The following DOCK7 variants were observed in gnomAD, a reference collection of about 807,000 sequenced individuals.
DOCK7 encodes dedicator of cytokinesis protein 7.
A neutral mutation model predicts 271.0 loss-of-function variants in DOCK7; 138 were observed. That is an observed-to-expected ratio of 0.51 (90% CI 0.44 to 0.59). DOCK7 has a LOEUF of 0.59. Among genes scored for constraint, DOCK7 ranks in the 20% least tolerant of loss-of-function variants. DOCK7 has a pLI of 0.00. For synonymous variants in DOCK7, 823 were observed against 876.1 expected, an observed-to-expected ratio of 0.94 and a Z score of 1.07; for missense variants, 2,066 against 2,592.4, an observed-to-expected ratio of 0.80 and a Z score of 4.41.
intron 22 of DOCK7, among the ~76,000 whole-genome samples, chr1:62,551,657 T>C (rs1224493418): frequency 1.3e-5 from 2 of 151,940 alleles, no homozygotes; most frequent in Admixed American, 1.3e-4. Context: ...CTAAACTCAA[T>C]AGGAAGGTAG....
At chr1:62,605,047 G>A (rs1019331671) in intron 14 of DOCK7, 21 of 451,762 alleles carry the variant, frequency 4.6e-5, no homozygotes, top group Non-Finnish European at 7.5e-5. Context: ...ATTTTGTGAT[G>A]TGGGAATCAA....
intron 18 of DOCK7, among the ~76,000 whole-genome samples, chr1:62,567,225 C>T (rs1420974155): frequency 6.6e-6 from 1 of 152,144 alleles, no homozygotes; most frequent in African/African-American, 2.4e-5. Flanking sequence ...ATAAATTATT[C>T]TACTATAAAG....
intron 48 of DOCK7, among the ~76,000 whole-genome samples, chr1:62,459,945 C>T (rs1341255272): frequency 1.3e-5 from 2 of 151,532 alleles, no homozygotes; most frequent in African/African-American, 4.8e-5. Flanking sequence ...AGAAAAAATA[C>T]AAAAAATTAG....
intron 14 of DOCK7, among the ~76,000 whole-genome samples, chr1:62,589,479 T>C (rs1044404730): frequency 3.3e-5 from 5 of 152,182 alleles, no homozygotes; most frequent in South Asian, 2.1e-4. Context: ...TATTTTTTTT[T>C]CCCCCGACCT....
At chr1:62,511,032 C>G (rs1644468274) in intron 33 of DOCK7, 1 of 190,670 alleles carries the variant, frequency 5.2e-6, no homozygotes, top group Admixed American at 5.8e-5. Context: ...CCTTGCGAAT[C>G]TATCAGTATA....
chr1:62,565,344 C>T (rs781127948), intron 18 of DOCK7, among the ~76,000 whole-genome samples: 10 of 152,022 alleles, frequency 6.6e-5, no homozygotes, highest in Non-Finnish European at 1.2e-4. Context: ...CAGCAGCACA[C>T]CAAAAAGCTT....
chr1:62,661,920 G>A (rs780048517), intron 2 of DOCK7, among the ~76,000 whole-genome samples: 28 of 152,094 alleles, frequency 1.8e-4, no homozygotes, highest in Admixed American at 1.0e-3. Flanking sequence ...CATTTTGGAA[G>A]GATTATCTCC....
At chr1:62,545,071 A>T in intron 22 of DOCK7, 32 bp from the exon 23 acceptor site, 1 of 1,475,756 alleles carries the variant, frequency 6.8e-7, no homozygotes, top group Non-Finnish European at 9.2e-7. Flanking sequence ...GTTTGAAAGG[A>T]AAGAAATATT....
At chr1:62,651,055 T>A (rs1276456796) in intron 4 of DOCK7, among the ~76,000 whole-genome samples, 1 of 151,802 alleles carries the variant, frequency 6.6e-6, no homozygotes, top group Non-Finnish European at 1.5e-5. Flanking sequence ...CAAATGTCCA[T>A]CAATGATAGA....
intron 1 of DOCK7, among the ~76,000 whole-genome samples, chr1:62,683,201 A>C (rs929374921): frequency 7.9e-5 from 12 of 152,258 alleles, no homozygotes; most frequent in African/African-American, 2.9e-4. Flanking sequence ...GCTTAGGAGC[A>C]AGAAGCAGGT....
chr1:62,622,688 T>C (rs1409614626), intron 12 of DOCK7, among the ~76,000 whole-genome samples: 1 of 152,006 alleles, frequency 6.6e-6, no homozygotes, highest in African/African-American at 2.4e-5. Context: ...CCCAGCACTT[T>C]GGGAGGCTGA....
intron 48 of DOCK7, among the ~76,000 whole-genome samples, chr1:62,467,948 A>G (rs1190403106): frequency 6.6e-6 from 1 of 152,230 alleles, no homozygotes; most frequent in Non-Finnish European, 1.5e-5. Flanking sequence ...GGGATGGTTT[A>G]ACATACATGA....
At chr1:62,634,272 G>A (rs1017140487) in intron 9 of DOCK7, 2 of 151,430 alleles carry the variant, frequency 1.3e-5, no homozygotes, top group African/African-American at 4.8e-5. Flanking sequence ...TAAATGAAAA[G>A]AAATCCTGTG....
chr1:62,489,580 T>G (rs965570420), intron 41 of DOCK7, among the ~76,000 whole-genome samples: 2 of 152,196 alleles, frequency 1.3e-5, no homozygotes, highest in Admixed American at 1.3e-4. Context: ...TCTGGATAAA[T>G]GGGTATGTAT....
At chr1:62,534,253 G>A (rs1288320255) in intron 29 of DOCK7, among the ~76,000 whole-genome samples, 2 of 152,120 alleles carry the variant, frequency 1.3e-5, no homozygotes, top group African/African-American at 4.8e-5. Context: ...GACTGTCTCA[G>A]CATCCCAAAG....
chr1:62,556,064 T>C lies in DOCK7; in HGVS notation c.2432-75A>G, dbSNP rs1040886762. 2.1e-6 allele frequency: 3 copies of C among 1,437,830 alleles called. No individual in the cohort carries two copies. The African/African-American group carries it at 4.3e-5, about 20-fold the overall frequency. The allele number at this position is 1,437,830 out of a possible 1,614,324, so 89.1% of individuals were successfully genotyped here. ...GTAAATTCCACGAAGATCAACATTT[T>C]GTCATCTTTGCATACTTTAAGTATA... On this transcript the variant is annotated intron_variant, in intron 20 of 49. Coordinates refer to ENST00000635253, the MANE Select transcript of DOCK7 (RefSeq NM_001367561.1).
At chr1:62,481,682 A>T (rs1646131129) in intron 43 of DOCK7, 1 of 152,216 alleles carries the variant, frequency 6.6e-6, no homozygotes, top group African/African-American at 2.4e-5. Context: ...GATTCTACTT[A>T]CTGCTTCCAC....
intron 40 of DOCK7, 83 bp downstream of exon 40, chr1:62,494,192 T>C: frequency 1.6e-6 from 2 of 1,280,312 alleles, no homozygotes; most frequent in Non-Finnish European, 2.1e-6. Context: ...CCTTATAAAC[T>C]AAAAAAATCT....
At position 62,475,083 on chromosome 1, in the gene DOCK7, T is replaced by C. The variant is rs1028169069; in HGVS notation, c.6105+125A>G. On this transcript the variant is annotated intron_variant, in intron 47 of 49. Transcript: ENST00000635253. ...AATAGAATTTATAAGATCGCATAGG[T>C]AGAAAAATACAGGCAGTAGAGAAGG... is the stretch of plus-strand genomic sequence containing the variant. 6.5e-6 allele frequency: 7 copies of C among 1,081,084 alleles called. No homozygotes were observed. In the African/African-American group the frequency reaches 8.1e-5, roughly 13 times the overall value. 67.0% of individuals were successfully genotyped at this position (1,081,084 alleles called of 1,614,324 possible).
Sources: gnomAD v4.1 joint callset for allele counts (sites outside exome capture counted in the v4.1 genomes callset) on GRCh38, gnomAD v4.1.1 for gene constraint, MANE v1.5 for transcripts, NCBI Gene and HGNC (gene_info 2026-07-23, HGNC 2026-07-21) for gene names.